JMJD1C: variants seen among roughly 807,000 people sequenced by gnomAD.
The protein encoded by JMJD1C is jumonji domain-containing protein 1C.
Under a neutral mutation model 245.3 loss-of-function variants are expected in JMJD1C, and 31 were observed. That is an observed-to-expected ratio of 0.13 (90% CI 0.09 to 0.17). The LOEUF (loss-of-function observed/expected upper bound fraction) is 0.17. JMJD1C is among the 10% of genes least tolerant of loss of function. The pLI, the probability that JMJD1C is intolerant of heterozygous loss-of-function variation, is 1.00. For missense variants in JMJD1C, 2,691 were observed against 3,000.2 expected (o/e 0.90, Z 2.41); for synonymous variants, 1,057 against 1,017.4 (o/e 1.04, Z -0.74).
At chr10:63,201,313 C>G (rs1845976780) in intron 10 of JMJD1C, among the ~76,000 whole-genome samples, 1 of 151,606 alleles carries the variant, frequency 6.6e-6, no homozygotes, top group Non-Finnish European at 1.5e-5. Context: ...GTGGCAGTAT[C>G]TTTTAGAAAA....
chr10:63,402,523 C>G (rs1948929523), intron 1 of JMJD1C, among the ~76,000 whole-genome samples: 1 of 152,112 alleles, frequency 6.6e-6, no homozygotes, highest in African/African-American at 2.4e-5. Flanking sequence ...GCTGTGCAGT[C>G]AAGTAGCTGT....
At chr10:63,371,118 CA>C (rs1377198220) in intron 2 of JMJD1C, among the ~76,000 whole-genome samples, 6 of 151,464 alleles carry the variant, frequency 4.0e-5, no homozygotes, top group African/African-American at 1.5e-4. Flanking sequence ...GCTGGGACTA[CA>C]AGGCTTGCGC....
rs1343752876 is a variant in JMJD1C, at chr10:63,407,123, G to A, written c.169-26641C>T. On this transcript the variant is annotated intron_variant, in intron 1 of 25. Coordinates refer to ENST00000399262, the MANE Select transcript of JMJD1C (RefSeq NM_032776.3). The stretch of plus-strand genomic sequence containing the variant: ...GAGTAGGGGTAAAGTAGGGCTAACA[G>A]GAAGACTGACCATAGTCTACTGAAG... Among the ~76,000 whole-genome samples the A allele has an allele frequency of 2.6e-5, 4 of 152,266 alleles. No individual in the cohort carries two copies. In the South Asian group the frequency reaches 8.3e-4, roughly 32 times the overall value.
intron 1 of JMJD1C, among the ~76,000 whole-genome samples, chr10:63,451,674 C>T (rs563246414): frequency 6.6e-6 from 1 of 152,194 alleles, no homozygotes; most frequent in South Asian, 2.1e-4. Context: ...TACTATGCCA[C>T]CTTAAGGCTG....
intron 2 of JMJD1C, among the ~76,000 whole-genome samples, chr10:63,274,057 G>T (rs9415682): frequency 0.86 from 130,736 of 152,176 alleles, 56,858 homozygotes; most frequent in African/African-American, 0.96. Context: ...AAAAAACTCT[G>T]ACAAGTTCAA....
At chr10:63,274,473 G>A (rs1023517273) in intron 2 of JMJD1C, among the ~76,000 whole-genome samples, 1 of 152,066 alleles carries the variant, frequency 6.6e-6, no homozygotes, top group African/African-American at 2.4e-5. Flanking sequence ...GCTGAGGTGG[G>A]AGGATCGCTT....
At chr10:63,314,037 G>GAATTGTTAGTTTCAGAT (rs1377101725) in intron 2 of JMJD1C, among the ~76,000 whole-genome samples, 5 of 152,176 alleles carry the variant, frequency 3.3e-5, no homozygotes, top group Non-Finnish European at 7.3e-5. Context: ...TTATCCTCTA[G>GAATTGTTAGTTTCAGAT]AATTGTTAGT....
chr10:63,300,669 T>C (rs1859974255), intron 2 of JMJD1C, among the ~76,000 whole-genome samples: 1 of 152,060 alleles, frequency 6.6e-6, no homozygotes, highest in Non-Finnish European at 1.5e-5. Flanking sequence ...AGGCGGTAGA[T>C]CTCATGAGGC....
chr10:63,219,204 G>C (rs1258827519), intron 4 of JMJD1C, among the ~76,000 whole-genome samples: 4 of 152,132 alleles, frequency 2.6e-5, no homozygotes, highest in Admixed American at 2.6e-4. Flanking sequence ...AAAGCAAACA[G>C]CTTTGGGATT....
intron 2 of JMJD1C, among the ~76,000 whole-genome samples, chr10:63,333,033 T>C (rs929693580): frequency 6.6e-5 from 10 of 152,194 alleles, no homozygotes; most frequent in Admixed American, 2.0e-4. Flanking sequence ...AGCTTAATTT[T>C]TAGCAACAGA....
chr10:63,370,163 T>C (rs1164207222), intron 2 of JMJD1C, among the ~76,000 whole-genome samples: 2 of 152,208 alleles, frequency 1.3e-5, no homozygotes, highest in African/African-American at 4.8e-5. Context: ...TCTCTTCCCC[T>C]GGCTGATTTT....
chr10:63,253,325 GT>G (rs1263237785), intron 3 of JMJD1C, among the ~76,000 whole-genome samples: 1 of 152,070 alleles, frequency 6.6e-6, no homozygotes, highest in Non-Finnish European at 1.5e-5. Context: ...TTTTCAAAAA[GT>G]GGTGCTGGGG....
chr10:63,445,916 C>T (rs1219723803), intron 1 of JMJD1C, among the ~76,000 whole-genome samples: 1 of 115,780 alleles, frequency 8.6e-6, no homozygotes, highest in Non-Finnish European at 1.6e-5. Context: ...ACTCTGGTTA[C>T]CTAGGCTGGA....
At chr10:63,310,195 G>A (rs967737558) in intron 2 of JMJD1C, among the ~76,000 whole-genome samples, 8 of 152,104 alleles carry the variant, frequency 5.3e-5, no homozygotes, top group Non-Finnish European at 4.4e-5. Flanking sequence ...ATTCATGGAC[G>A]AAATGATTAC....
intron 1 of JMJD1C, among the ~76,000 whole-genome samples, chr10:63,520,892 T>G (rs971489401): frequency 6.6e-6 from 1 of 152,220 alleles, no homozygotes; most frequent in South Asian, 2.1e-4. Flanking sequence ...GACGATTCCT[T>G]TAAAATGTGG....
chr10:63,243,124 T>TAA lies in JMJD1C; in HGVS notation c.447+21525_447+21526dup, dbSNP rs1491132441. Among the ~76,000 whole-genome samples, 19 of 85,794 alleles carry TAA rather than the reference T, an allele frequency of 2.2e-4. 1 individual carries two copies. Among genetic ancestry groups the TAA allele is most frequent in the African/African-American group, 5.6e-4 (19 of 34,116 alleles). The allele number at this position is 85,794 out of a possible 152,430, so 56.3% of individuals were successfully genotyped here. Reference sequence around the variant, plus strand: ...TAAATTATATATATATATATATATATAAATATATATATGGCTAGATAGGTA... The same window carrying TAA: ...TAAATTATATATATATATATATATATAAAAATATATATATGGCTAGATAGGTA... On this transcript the variant is annotated intron_variant, in intron 3 of 25. Coordinates refer to ENST00000399262, the MANE Select transcript of JMJD1C (RefSeq NM_032776.3).
In JMJD1C at chr10:63,483,210, T is replaced by C. The variant is rs79249594; in HGVS notation, n.113+38528A>G. Reference sequence around the variant, plus strand: ...ATTTTAGTTCCTCCATGAAAACCAATAGAATTTCAAGAGGATAAAACACCA... The same window carrying C: ...ATTTTAGTTCCTCCATGAAAACCAACAGAATTTCAAGAGGATAAAACACCA... On this transcript the variant is annotated intron_variant and non_coding_transcript_variant, in intron 1 of 3. Transcript: ENST00000633035. 9.0e-3 allele frequency among the ~76,000 whole-genome samples: 1,377 copies of C among 152,268 alleles called. 5 individuals are homozygous for C. The highest frequency in any genetic ancestry group is 0.02 in the Middle Eastern group (6 of 294).
At chr10:63,190,314 C>T (rs1844631212) in intron 17 of JMJD1C, among the ~76,000 whole-genome samples, 1 of 152,094 alleles carries the variant, frequency 6.6e-6, no homozygotes, top group South Asian at 2.1e-4. Flanking sequence ...AAGCAATTCT[C>T]TGCCTCAGCC....
intron 4 of JMJD1C, among the ~76,000 whole-genome samples, chr10:63,218,584 T>G (rs934631718): frequency 1.3e-5 from 2 of 152,154 alleles, no homozygotes; most frequent in Non-Finnish European, 2.9e-5. Flanking sequence ...ACAAACAGTT[T>G]ACACTGGTTT....
Sources: gnomAD v4.1 joint callset for allele counts (sites outside exome capture counted in the v4.1 genomes callset) on GRCh38, gnomAD v4.1.1 for gene constraint, MANE v1.5 for transcripts, NCBI Gene and HGNC (gene_info 2026-07-23, HGNC 2026-07-21) for gene names.